Variants in TRIM44 observed in about 807,000 individuals in gnomAD.
The protein encoded by TRIM44 is tripartite motif-containing protein 44.
TRIM44 carries 13 observed loss-of-function variants against 37.4 expected under a neutral mutation model. That is an observed-to-expected ratio of 0.35 (90% CI 0.23 to 0.55). The LOEUF (loss-of-function observed/expected upper bound fraction) is 0.55, where lower values mean the gene tolerates loss of function less well. Among genes scored for constraint, TRIM44 ranks in the 20% least tolerant of loss-of-function variants. TRIM44 has a pLI of 0.89. For missense variants in TRIM44, 426 were observed against 437.2 expected (o/e 0.97, Z 0.23); for synonymous variants, 175 against 157.2 (o/e 1.11, Z -0.85).
intron 4 of TRIM44, among the ~76,000 whole-genome samples, chr11:35,798,544 T>G (rs1253724595): frequency 6.6e-6 from 1 of 152,208 alleles, no homozygotes; most frequent in Non-Finnish European, 1.5e-5. Flanking sequence ...AAATTAAAGC[T>G]TATAAAACAA....
At chr11:35,786,586 C>T (rs530452592) in intron 4 of TRIM44, among the ~76,000 whole-genome samples, 1 of 152,298 alleles carries the variant, frequency 6.6e-6, no homozygotes, top group Non-Finnish European at 1.5e-5. Context: ...TGCAGCCAGT[C>T]ACTCCTGAGA....
chr11:35,766,335 G>A (rs1399808693), intron 4 of TRIM44, among the ~76,000 whole-genome samples: 1 of 152,130 alleles, frequency 6.6e-6, no homozygotes, highest in Admixed American at 6.6e-5. Flanking sequence ...GCGTGTGTTG[G>A]GGTTGGGAAT....
chr11:35,761,653 A>T (rs996206201), intron 4 of TRIM44, among the ~76,000 whole-genome samples: 1 of 152,252 alleles, frequency 6.6e-6, no homozygotes, highest in Non-Finnish European at 1.5e-5. Context: ...AGGAAAATTA[A>T]ACATTCAAAG....
At chr11:35,716,583 A>G (rs1852041741) in intron 2 of TRIM44, among the ~76,000 whole-genome samples, 1 of 152,194 alleles carries the variant, frequency 6.6e-6, no homozygotes, top group Non-Finnish European at 1.5e-5. Context: ...TGTATTGCCC[A>G]CTGTTTTTTG....
At chr11:35,725,304 A>G (rs3110370) in intron 2 of TRIM44, among the ~76,000 whole-genome samples, 3,622 of 152,248 alleles carry the variant, frequency 0.024, 105 homozygotes, top group African/African-American at 0.067. Context: ...CCAAACTATT[A>G]ACAGTAATTG....
At chr11:35,699,675 A>G (rs1851757062) in intron 2 of TRIM44, among the ~76,000 whole-genome samples, 1 of 151,780 alleles carries the variant, frequency 6.6e-6, no homozygotes, top group African/African-American at 2.4e-5. Flanking sequence ...CCCTGTTTGC[A>G]GATGACATGA....
intron 4 of TRIM44, among the ~76,000 whole-genome samples, chr11:35,770,735 C>A (rs1391681558): frequency 6.6e-6 from 1 of 152,140 alleles, no homozygotes; most frequent in Admixed American, 6.5e-5. Flanking sequence ...ATCTTGAATT[C>A]TATTCCCATA....
chr11:35,665,446 T>C (rs1786544022), intron 1 of TRIM44, among the ~76,000 whole-genome samples: 1 of 152,134 alleles, frequency 6.6e-6, no homozygotes, highest in Non-Finnish European at 1.5e-5. Context: ...TGGTATTTTA[T>C]TGTGGTTTTA....
chr11:35,766,584 G>A (rs10836443), intron 4 of TRIM44, among the ~76,000 whole-genome samples: 48,695 of 152,068 alleles, frequency 0.32, 7,976 homozygotes, highest in East Asian at 0.38. Flanking sequence ...CTTCTTCCAT[G>A]TGTAGCATTT....
At chr11:35,692,986 A>G (rs114170897) in intron 2 of TRIM44, among the ~76,000 whole-genome samples, 1,942 of 152,244 alleles carry the variant, frequency 0.013, 46 homozygotes, top group African/African-American at 0.044. Flanking sequence ...TAATTGAGCA[A>G]TGGACGATTC....
rs943855891 is a variant in TRIM44 at position 35,807,332 on chromosome 11, A to G, written c.*947A>G. On this transcript the variant is annotated 3_prime_UTR_variant, in exon 5 of 5. Coordinates refer to ENST00000299413, the MANE Select transcript of TRIM44 (RefSeq NM_017583.6). The stretch of plus-strand genomic sequence containing the variant: ...ACGCAGTATGGGGAGAATTGTTCCC[A>G]TTCCATGTGTTCTGAATTCAGCTCA... 2.0e-5 allele frequency: 3 copies of G among 152,098 alleles called. No individual in the cohort carries two copies. Among genetic ancestry groups the G allele is most frequent in the African/African-American group, 7.2e-5 (3 of 41,420 alleles). The allele number at this position is 152,098 out of a possible 1,614,324, so 9.4% of individuals were successfully genotyped here. A position where few individuals can be genotyped will look rare whatever the true frequency, so the allele number is the denominator to read the frequency against.
At chr11:35,741,496 G>A (rs1310975607) in intron 4 of TRIM44, among the ~76,000 whole-genome samples, 6 of 152,168 alleles carry the variant, frequency 3.9e-5, no homozygotes, top group African/African-American at 1.4e-4. Flanking sequence ...TATTGCATCT[G>A]CCTCCACCTG....
chr11:35,798,146 A>G (rs1397540664), intron 4 of TRIM44, among the ~76,000 whole-genome samples: 1 of 152,200 alleles, frequency 6.6e-6, no homozygotes. Context: ...CCAGGTCATA[A>G]GTAGATAAAG....
chr11:35,726,982 A>G (rs1265745351), intron 3 of TRIM44, among the ~76,000 whole-genome samples: 1 of 151,946 alleles, frequency 6.6e-6, no homozygotes. Context: ...CAACATAGTG[A>G]GACCCTGTGT....
At chr11:35,668,364 C>T (rs555441804) in intron 1 of TRIM44, among the ~76,000 whole-genome samples, 19 of 152,308 alleles carry the variant, frequency 1.2e-4, no homozygotes, top group African/African-American at 4.3e-4. Flanking sequence ...TCTCCTTCCT[C>T]CCACCCCCTA....
At chr11:35,702,109 A>AGG in intron 2 of TRIM44, among the ~76,000 whole-genome samples, 1 of 152,380 alleles carries the variant, frequency 6.6e-6, no homozygotes, top group African/African-American at 2.4e-5. Context: ...TTCTGGCCAG[A>AGG]GGAATATACA....
rs547292383 is a variant in TRIM44, at chr11:35,675,166, G to A, written c.670-10093G>A. ...CACCTAGCACAGTGCCTGCTGGATG[G>A]TAGATGAACATGAAGTATGTGATAG... On this transcript the variant is annotated intron_variant, in intron 1 of 4. Coordinates refer to ENST00000299413, the MANE Select transcript of TRIM44 (RefSeq NM_017583.6). 9.8e-5 allele frequency among the ~76,000 whole-genome samples: 15 copies of A among 152,292 alleles called. No homozygotes were observed. In the South Asian group the frequency reaches 3.1e-3, roughly 32 times the overall value.
intron 4 of TRIM44, among the ~76,000 whole-genome samples, chr11:35,754,125 A>G (rs1009451505): frequency 1.3e-5 from 2 of 152,088 alleles, no homozygotes; most frequent in African/African-American, 4.8e-5. Flanking sequence ...ACATGTGAGT[A>G]TTAGTGTGGG....
In TRIM44 at chr11:35,782,202, C is replaced by A. The variant is rs1249769533; in HGVS notation, c.1008-24156C>A. Among the ~76,000 whole-genome samples, 5 of 152,250 alleles carry A rather than the reference C, an allele frequency of 3.3e-5. No individual in the cohort carries two copies. The South Asian group carries it at 1.0e-3, about 32-fold the overall frequency. ...GTGAAGTCCAGCGGGTGGGGGGAAT[C>A]CTAATCCAGCTGGGGTAGGATCTTG... On this transcript the variant is annotated intron_variant, in intron 4 of 4. Transcript: ENST00000299413.
Sources: allele counts gnomAD v4.1 joint callset (sites outside exome capture counted in the v4.1 genomes callset), GRCh38; gene constraint gnomAD v4.1.1; transcripts MANE v1.5; gene names NCBI Gene and HGNC (gene_info 2026-07-23, HGNC 2026-07-21).